The following PPARGC1B variants were observed in gnomAD, a reference collection of about 807,000 sequenced individuals.
PPARGC1B encodes the protein PPARG coactivator 1 beta.
Under a neutral mutation model 101.6 loss-of-function variants are expected in PPARGC1B, and 34 were observed. The observed-to-expected ratio is 0.33, with a 90% confidence interval of 0.25 to 0.45. PPARGC1B has a LOEUF of 0.45. PPARGC1B is among the 20% of genes least tolerant of loss of function. The pLI, the probability that PPARGC1B is intolerant of heterozygous loss-of-function variation, is 1.00. For synonymous variants in PPARGC1B, 548 were observed against 539.3 expected (o/e 1.02, Z -0.22); for missense variants, 1,234 against 1,317.6 (o/e 0.94, Z 0.98).
In PPARGC1B at chr5:149,805,996, C is replaced by T. The variant is rs537977436; in HGVS notation, c.79-14437C>T. ...TGCAGCAGCAGGGGCAGCTGTGGGC[C>T]GAGCACTGCTGAGTCATCTCTCCCT... On this transcript the variant is annotated intron_variant, in intron 1 of 11. Coordinates refer to ENST00000309241, the MANE Select transcript of PPARGC1B (RefSeq NM_133263.4). Among the ~76,000 whole-genome samples, 163 of 152,324 alleles carry T rather than the reference C, an allele frequency of 1.1e-3. 1 individual carries two copies. The highest frequency in any genetic ancestry group is 6.8e-3 in the Middle Eastern group (2 of 294).
chr5:149,771,871 C>A, intron 1 of PPARGC1B: 1 of 585,506 alleles, frequency 1.7e-6, no homozygotes, highest in East Asian at 4.1e-5. Flanking sequence ...AATATCCCCA[C>A]CATGGCCAAT....
In PPARGC1B at chr5:149,845,421, T is replaced by C. The variant is rs115338980; in HGVS notation, c.2817-339T>C. 2.4e-3 allele frequency among the ~76,000 whole-genome samples: 367 copies of C among 152,338 alleles called. 2 individuals carry two copies. The highest frequency in any genetic ancestry group is 4.5e-3 in the Admixed American group (69 of 15,302). On this transcript the variant is annotated intron_variant, in intron 10 of 11. Coordinates refer to ENST00000309241, the MANE Select transcript of PPARGC1B (RefSeq NM_133263.4). ...CAGAGGCCTGGGTTTGAATCCCTGC[T>C]CTGCCACTTGCTTTTGGGTAAATTA...
chr5:149,818,132 G>A lies in PPARGC1B; in HGVS notation c.79-2301G>A, dbSNP rs527690981. ...TGGGGGGCATGACAGTTGGGCTTGT[G>A]GGGAGAGCGGTACCTGGGGGACCCA... On this transcript the variant is annotated intron_variant, in intron 1 of 11. Coordinates refer to ENST00000309241, the MANE Select transcript of PPARGC1B (RefSeq NM_133263.4). Among the ~76,000 whole-genome samples, 168 of 152,334 alleles carry A rather than the reference G, an allele frequency of 1.1e-3. 1 individual carries two copies. The highest frequency in any genetic ancestry group is 3.9e-3 in the African/African-American group (161 of 41,568).
chr5:149,741,690 C>T (rs983673411), intron 1 of PPARGC1B, among the ~76,000 whole-genome samples: 2 of 150,644 alleles, frequency 1.3e-5, no homozygotes, highest in Admixed American at 6.6e-5. Context: ...TGCAGTGGCG[C>T]GATCTCAGCT....
At chr5:149,783,847 G>A (rs2113231173) in intron 1 of PPARGC1B, among the ~76,000 whole-genome samples, 1 of 152,260 alleles carries the variant, frequency 6.6e-6, no homozygotes. Context: ...ACAGGAGCAT[G>A]GCAATAACCA....
intron 1 of PPARGC1B, among the ~76,000 whole-genome samples, chr5:149,737,715 C>T (rs925831568): frequency 1.3e-5 from 2 of 152,136 alleles, no homozygotes; most frequent in Non-Finnish European, 2.9e-5. Context: ...GTGAAGAGGC[C>T]GGGCACAGTG....
intron 1 of PPARGC1B, among the ~76,000 whole-genome samples, chr5:149,743,155 C>CTT (rs1181226228): frequency 1.6e-4 from 21 of 134,350 alleles, no homozygotes; most frequent in African/African-American, 2.4e-4. Flanking sequence ...TGTGTTTATT[C>CTT]TTTTTTTTTT....
At chr5:149,821,974 CTG>C (rs1396425212) in intron 2 of PPARGC1B, among the ~76,000 whole-genome samples, 2 of 152,176 alleles carry the variant, frequency 1.3e-5, no homozygotes, top group African/African-American at 2.4e-5. Context: ...CAGGCAAAGA[CTG>C]TAATCTAGGA....
At chr5:149,746,012 G>A (rs1272954458) in intron 1 of PPARGC1B, among the ~76,000 whole-genome samples, 3 of 152,162 alleles carry the variant, frequency 2.0e-5, no homozygotes, top group Non-Finnish European at 4.4e-5. Flanking sequence ...AGGGGTGCTG[G>A]TCATGGTCCC....
Position 149,837,034 on chromosome 5 carries a change from C to T in PPARGC1B, c.2579C>T (p.Pro860Leu). The T allele has an allele frequency of 6.2e-7, 1 of 1,613,664 alleles. No homozygotes were observed. Among genetic ancestry groups the T allele is most frequent in the South Asian group, 1.1e-5 (1 of 91,058 alleles). The change falls in exon 8 of 12, where the codon CCC becomes CTC. Residue 860 changes from proline (P) to leucine (L), a missense_variant. Around this residue, in one of 3 missense-constraint regions of PPARGC1B, gnomAD observed 497 missense variants for 529.5 expected, o/e 0.94. Transcript: ENST00000309241. The surrounding 1 kb of genome is among the most constrained non-coding windows in gnomAD (Gnocchi z 4.2). Reference sequence around the variant, plus strand: ...AGCCGCTCAAGCTCTGGCTCTTCACCCTGCCACTCCTGGTCACCAGCCACT... The same window carrying T: ...AGCCGCTCAAGCTCTGGCTCTTCACTCTGCCACTCCTGGTCACCAGCCACT... The part of the protein sequence containing the change: ...SRSRSSSGSS[P>L]CHSWSPATRR...
At chr5:149,765,912 T>G (rs977378485) in intron 1 of PPARGC1B, among the ~76,000 whole-genome samples, 2 of 151,044 alleles carry the variant, frequency 1.3e-5, no homozygotes, top group Non-Finnish European at 3.0e-5. Flanking sequence ...ATCTGTGAGA[T>G]TGTTTTAGGA....
rs149220541 is a variant in PPARGC1B at position 149,776,614 on chromosome 5, G to A, written c.79-43819G>A. ...GTAGGTGGTTGCTGGTTTGATGAGAGTTGGGTGGGTCGTTGGTGTCAGCTG... is the reference window on the plus strand; with the variant it reads ...GTAGGTGGTTGCTGGTTTGATGAGAATTGGGTGGGTCGTTGGTGTCAGCTG... On this transcript the variant is annotated intron_variant, in intron 1 of 11. Coordinates refer to ENST00000309241, the MANE Select transcript of PPARGC1B (RefSeq NM_133263.4). Among the ~76,000 whole-genome samples the A allele has an allele frequency of 2.5e-3, 387 of 152,304 alleles. 1 individual carries two copies. The highest frequency in any genetic ancestry group is 4.0e-3 in the Non-Finnish European group (273 of 68,018).
At chr5:149,738,923 C>T (rs1754820583) in intron 1 of PPARGC1B, among the ~76,000 whole-genome samples, 1 of 152,236 alleles carries the variant, frequency 6.6e-6, no homozygotes, top group African/African-American at 2.4e-5. Context: ...CTAACTTCTT[C>T]TGCTTCCACC....
intron 1 of PPARGC1B, among the ~76,000 whole-genome samples, chr5:149,757,366 C>G (rs954163108): frequency 3.3e-5 from 5 of 150,896 alleles, no homozygotes; most frequent in African/African-American, 1.2e-4. Context: ...TTTTTCAGAG[C>G]AGGTGATATG....
chr5:149,754,930 C>T (rs866267556), intron 1 of PPARGC1B, among the ~76,000 whole-genome samples: 4 of 150,018 alleles, frequency 2.7e-5, no homozygotes, highest in Admixed American at 6.7e-5. Context: ...TACAGGCACG[C>T]GCCACCATGC....
intron 3 of PPARGC1B, among the ~76,000 whole-genome samples, chr5:149,830,193 A>G (rs1758721792): frequency 6.6e-6 from 1 of 151,968 alleles, no homozygotes; most frequent in Non-Finnish European, 1.5e-5. Flanking sequence ...GACTTTGAGC[A>G]AGAGAGAGAC....
intron 1 of PPARGC1B, among the ~76,000 whole-genome samples, chr5:149,741,416 C>G (rs1754900438): frequency 1.3e-5 from 2 of 152,194 alleles, no homozygotes; most frequent in Admixed American, 1.3e-4. Context: ...TGAGGGCAAC[C>G]CGGCCTTTAT....
At chr5:149,807,091 T>G (rs1228922017) in intron 1 of PPARGC1B, among the ~76,000 whole-genome samples, 1 of 150,668 alleles carries the variant, frequency 6.6e-6, no homozygotes, top group South Asian at 2.1e-4. Flanking sequence ...TCCAGAGTAG[T>G]TGGGACAATA....
intron 1 of PPARGC1B, among the ~76,000 whole-genome samples, chr5:149,766,163 TTTTTA>T (rs1755907418): frequency 6.6e-6 from 1 of 152,236 alleles, no homozygotes; most frequent in Admixed American, 6.5e-5. Flanking sequence ...AGGTTTAGTG[TTTTTA>T]TTTTAAGTCT....
Sources: gnomAD v4.1 joint callset for allele counts (sites outside exome capture counted in the v4.1 genomes callset) on GRCh38, gnomAD v4.1.1 for gene constraint, gnomAD v4.1.1 regional missense constraint, Gnocchi (gnomAD v3.1) non-coding constraint, MANE v1.5 for transcripts, NCBI Gene and HGNC (gene_info 2026-07-23, HGNC 2026-07-21) for gene names.